Variants in KCNT1 observed in about 807,000 individuals in gnomAD.
KCNT1 encodes the protein potassium channel subfamily T member 1.
KCNT1 carries 78 observed loss-of-function variants against 147.8 expected under a neutral mutation model. The observed-to-expected ratio is 0.53, with a 90% CI of 0.44 to 0.64. KCNT1 has a LOEUF of 0.64. Ranked by LOEUF, KCNT1 falls within the 30% of genes least tolerant of loss-of-function variation. KCNT1 has a pLI of 0.00. For synonymous variants in KCNT1, 867 were observed against 748.8 expected (o/e 1.16, Z -2.58); for missense variants, 1,419 against 1,750.3 (o/e 0.81, Z 3.38).
Position 135,772,823 on chromosome 9 carries a change from G to A in KCNT1, c.2117G>A (p.Arg706Gln), listed in dbSNP as rs761289867. Residue 706 changes from arginine (R) to glutamine (Q), a missense_variant, in exon 19 of 31, where the codon CGG becomes CAG. Arg to Gln is a conservative substitution (Grantham distance 43). Transcript: ENST00000371757. ...CCCACGGAGAACGGCTCGGGCAGCCGGCGGCCCAGCATCGCGCCCGTCCTG... is the reference window on the plus strand; with the variant it reads ...CCCACGGAGAACGGCTCGGGCAGCCAGCGGCCCAGCATCGCGCCCGTCCTG... ...ALPTENGSGS[R>Q]RPSIAPVLEL... 21 of 1,522,618 alleles carry A rather than the reference G, an allele frequency of 1.4e-5. No homozygotes were observed. In the East Asian group the frequency reaches 1.8e-4, roughly 13 times the overall value. 94.3% of individuals were successfully genotyped at this position (1,522,618 alleles called of 1,614,324 possible).
intron 1 of KCNT1, among the ~76,000 whole-genome samples, chr9:135,712,664 T>C (rs1217521260): frequency 6.6e-6 from 1 of 152,204 alleles, no homozygotes; most frequent in African/African-American, 2.4e-5. Context: ...CCTCCTGCGA[T>C]GGGCCCCTTT....
At chr9:135,771,738 C>T (rs1483713026) in intron 18 of KCNT1, among the ~76,000 whole-genome samples, 1 of 152,204 alleles carries the variant, frequency 6.6e-6, no homozygotes, top group African/African-American at 2.4e-5. Context: ...AGGCCCATGG[C>T]CCCTAGGGCA....
intron 2 of KCNT1, among the ~76,000 whole-genome samples, chr9:135,729,135 G>T (rs1291678599): frequency 6.6e-6 from 1 of 152,208 alleles, no homozygotes; most frequent in East Asian, 1.9e-4. Context: ...AATTAAGTTC[G>T]CTGAGCAGTT....
intron 2 of KCNT1, among the ~76,000 whole-genome samples, chr9:135,727,212 CCTCT>C (rs547905203): frequency 3.1e-4 from 16 of 51,328 alleles, no homozygotes; most frequent in African/African-American, 1.2e-3. Context: ...TCTCCCTCTC[CCTCT>C]CTCTCTCTCT....
chr9:135,764,067 G>GA (rs1383532141), intron 11 of KCNT1, among the ~76,000 whole-genome samples: 1 of 152,162 alleles, frequency 6.6e-6, no homozygotes, highest in African/African-American at 2.4e-5. Context: ...GCAGGCGCTG[G>GA]ATAAGTGCAA....
chr9:135,777,985 A>ATGCTC (rs1564381310), intron 21 of KCNT1, among the ~76,000 whole-genome samples: 1 of 144,238 alleles, frequency 6.9e-6, no homozygotes, highest in African/African-American at 2.6e-5. Context: ...CAGCTCCTCC[A>ATGCTC]TGCTCTCAGC....
intron 1 of KCNT1, among the ~76,000 whole-genome samples, chr9:135,705,433 GGGCGCTCCGTGAGCCAGGCA>G: frequency 6.6e-6 from 1 of 152,372 alleles, no homozygotes; most frequent in Non-Finnish European, 1.5e-5. Context: ...ATGTGAACCT[GGGCGCTCCGTGAGCCAGGCA>G]GGCGCACCGT....
At chr9:135,757,097 C>A in intron 7 of KCNT1, 59 bp from the exon 8 acceptor site, 2 of 1,048,646 alleles carry the variant, frequency 1.9e-6, no homozygotes, top group East Asian at 2.6e-5. Context: ...TGCCCCTCCC[C>A]TGCTGGGCCC....
In KCNT1 at chr9:135,792,214, G is replaced by A. The variant is rs948785344; in HGVS notation, c.*53G>A. On this transcript the variant is annotated 3_prime_UTR_variant, in exon 31 of 31. Transcript: ENST00000371757. Reference sequence around the variant, plus strand: ...CAAGCCCGGGGTCCTCAGGAAGGACGTGGAGGAGCGTGTGAGGACACGGTG... The same window carrying A: ...CAAGCCCGGGGTCCTCAGGAAGGACATGGAGGAGCGTGTGAGGACACGGTG... 2.7e-5 allele frequency: 43 copies of A among 1,569,218 alleles called. No homozygotes were observed. Among genetic ancestry groups the A allele is most frequent in the Non-Finnish European group, 2.8e-5 (32 of 1,160,326 alleles).
chr9:135,702,778 C>T (rs1431421435), intron 1 of KCNT1, among the ~76,000 whole-genome samples: 3 of 152,074 alleles, frequency 2.0e-5, no homozygotes, highest in South Asian at 2.1e-4. Context: ...TGGCAGTGCT[C>T]GGCCAGGGTG....
intron 6 of KCNT1, 63 bp downstream of exon 6, chr9:135,755,232 C>G: frequency 1.4e-6 from 2 of 1,440,388 alleles, no homozygotes; most frequent in South Asian, 1.3e-5. Flanking sequence ...TGAGGACCAA[C>G]CCAGACTCAG....
In KCNT1 at chr9:135,768,598, G is replaced by C. The variant is rs1015003209; in HGVS notation, c.1338-12G>C. On this transcript the variant is annotated splice_polypyrimidine_tract_variant and intron_variant, in intron 13 of 30. Coordinates refer to ENST00000371757, the MANE Select transcript of KCNT1 (RefSeq NM_020822.3). The stretch of plus-strand genomic sequence containing the variant: ...CCTGCTCCACCCACGCTCAGGCCCT[G>C]GTGCATTGCAGGATGGACAATGGGG... 2.6e-6 allele frequency: 4 copies of C among 1,549,696 alleles called. No individual in the cohort carries two copies. The highest frequency in any genetic ancestry group is 2.0e-5 in the Admixed American group (1 of 50,948).
rs537738093 is a variant in KCNT1, at chr9:135,726,107, C to A, written c.254+11387C>A. The stretch of plus-strand genomic sequence containing the variant: ...GATCCACAGAAGGGCCGGCAAAGGA[C>A]TGGGGAGAGGCCTGCAGTCGTGGGG... On this transcript the variant is annotated intron_variant, in intron 2 of 30. Transcript: ENST00000371757. 1.5e-3 allele frequency among the ~76,000 whole-genome samples: 221 copies of A among 152,100 alleles called. 1 individual carries two copies. Among genetic ancestry groups the A allele is most frequent in the South Asian group, 3.3e-3 (16 of 4,824 alleles).
intron 2 of KCNT1, among the ~76,000 whole-genome samples, chr9:135,741,662 G>T (rs1316327712): frequency 6.6e-6 from 1 of 152,192 alleles, no homozygotes; most frequent in East Asian, 1.9e-4. Flanking sequence ...AGCTGCTAGG[G>T]CTAGGGGCAC....
At chr9:135,707,390 C>T (rs1189481765) in intron 1 of KCNT1, among the ~76,000 whole-genome samples, 1 of 152,156 alleles carries the variant, frequency 6.6e-6, no homozygotes, top group Admixed American at 6.5e-5. Flanking sequence ...CCAGGCTGTG[C>T]TCCTTGCTAT....
chr9:135,718,989 C>T (rs1835822970), intron 2 of KCNT1, among the ~76,000 whole-genome samples: 1 of 152,194 alleles, frequency 6.6e-6, no homozygotes, highest in Non-Finnish European at 1.5e-5. Context: ...CCTCAGGGAC[C>T]TGATGGTGGA....
At chr9:135,759,629 G>A (rs952793516) in intron 10 of KCNT1, 50 bp from the exon 11 acceptor site, 17 of 1,540,848 alleles carry the variant, frequency 1.1e-5, no homozygotes, top group Non-Finnish European at 1.4e-5. Context: ...AGGGGCCACG[G>A]CCCCCCAGCT....
chr9:135,784,690 T>G lies in KCNT1; in HGVS notation c.3028-71T>G, dbSNP rs1468045265. ...AAGTGGGTGGATGGGCACCTGCCCCTGATTCACGGTGGCCAGGAGGCTCTG... is the reference window on the plus strand; with the variant it reads ...AAGTGGGTGGATGGGCACCTGCCCCGGATTCACGGTGGCCAGGAGGCTCTG... On this transcript the variant is annotated intron_variant, in intron 26 of 30. Transcript: ENST00000371757. 7 of 1,608,246 alleles carry G rather than the reference T, an allele frequency of 4.4e-6. No homozygotes were observed. In the African/African-American group the frequency reaches 8.0e-5, roughly 18 times the overall value.
intron 9 of KCNT1, among the ~76,000 whole-genome samples, chr9:135,757,708 C>T (rs1016877579): frequency 6.6e-5 from 10 of 152,230 alleles, no homozygotes; most frequent in African/African-American, 2.2e-4. Context: ...CCAGGCCACA[C>T]GCAAACTGGG....
Sources: gnomAD v4.1 joint callset for allele counts (sites outside exome capture counted in the v4.1 genomes callset) on GRCh38, gnomAD v4.1.1 for gene constraint, MANE v1.5 for transcripts, NCBI Gene and HGNC (gene_info 2026-07-23, HGNC 2026-07-21) for gene names.